IGSF21: variants seen among roughly 807,000 people sequenced by gnomAD.
IGSF21 encodes immunoglobin superfamily member 21, also known as immunoglobulin superfamily member 21.
IGSF21 carries 28 observed loss-of-function variants against 46.8 expected under a neutral mutation model. The observed-to-expected ratio is 0.60, with a 90% CI of 0.44 to 0.82. The LOEUF is 0.82. IGSF21 is among the 40% of genes least tolerant of loss of function. The pLI, the probability that IGSF21 is intolerant of heterozygous loss-of-function variation, is 0.00. For missense variants in IGSF21, 624 were observed against 665.5 expected (o/e 0.94, Z 0.69); for synonymous variants, 284 against 273.6 (o/e 1.04, Z -0.38).
rs16861869 is a variant in IGSF21, at chr1:18,378,208, C to T, written c.1334-48C>T. On this transcript the variant is annotated intron_variant, in intron 9 of 9. Transcript: ENST00000251296. The stretch of plus-strand genomic sequence containing the variant: ...ACCTGGAGGCTCTGCTGTTCTGGAA[C>T]GGGGTTGGGTCTGCAGGCTCTGACC... 12,481 of 1,497,338 alleles carry T rather than the reference C, an allele frequency of 8.3e-3. 579 individuals are homozygous for T. In the East Asian group the frequency reaches 0.14, roughly 17 times the overall value. The allele number at this position is 1,497,338 out of a possible 1,614,324, so 92.8% of individuals were successfully genotyped here.
intron 2 of IGSF21, among the ~76,000 whole-genome samples, chr1:18,289,034 G>A (rs1200401951): frequency 2.6e-5 from 4 of 152,174 alleles, no homozygotes; most frequent in Admixed American, 6.5e-5. Flanking sequence ...TTTATCTGGG[G>A]TGTGTGGGTA....
intron 1 of IGSF21, among the ~76,000 whole-genome samples, chr1:18,204,683 T>A (rs1218916406): frequency 6.6e-6 from 1 of 152,162 alleles, no homozygotes; most frequent in Non-Finnish European, 1.5e-5. Context: ...CCTTGGAGCA[T>A]GACAGCTGGC....
At chr1:18,374,811 G>A (rs1402575748) in intron 6 of IGSF21, among the ~76,000 whole-genome samples, 1 of 152,120 alleles carries the variant, frequency 6.6e-6, no homozygotes, top group African/African-American at 2.4e-5. Context: ...AGGAAAGGTG[G>A]GGGTAATCCC....
intron 1 of IGSF21, among the ~76,000 whole-genome samples, chr1:18,117,045 G>C (rs944907466): frequency 6.6e-6 from 1 of 152,208 alleles, no homozygotes; most frequent in Non-Finnish European, 1.5e-5. Flanking sequence ...CATGGGCTGA[G>C]GGGAATGGTT....
Position 18,161,574 on chromosome 1 carries a change from C to G in IGSF21, c.70+53376C>G, listed in dbSNP as rs145047730. 3.3e-5 allele frequency among the ~76,000 whole-genome samples: 5 copies of G among 152,274 alleles called. No individual in the cohort carries two copies. In the East Asian group the frequency reaches 9.7e-4, roughly 29 times the overall value. Reference sequence around the variant, plus strand: ...GCAAGCGCCCATTCCAAGTATCCCACCGGTGACAGGAGAACAAACAAGCCT... The same window carrying G: ...GCAAGCGCCCATTCCAAGTATCCCAGCGGTGACAGGAGAACAAACAAGCCT... On this transcript the variant is annotated intron_variant, in intron 1 of 9. Transcript: ENST00000251296.
intron 1 of IGSF21, among the ~76,000 whole-genome samples, chr1:18,207,078 T>A (rs2124487123): frequency 6.6e-6 from 1 of 152,288 alleles, no homozygotes; most frequent in East Asian, 1.9e-4. Context: ...CCATTTAAGT[T>A]GTTGCAGAAT....
At chr1:18,263,871 A>C (rs1454819460) in intron 2 of IGSF21, among the ~76,000 whole-genome samples, 2 of 144,790 alleles carry the variant, frequency 1.4e-5, no homozygotes, top group Non-Finnish European at 3.1e-5. Context: ...CAGTTAAACA[A>C]AGCCACCCAG....
intron 1 of IGSF21, among the ~76,000 whole-genome samples, chr1:18,184,473 A>G (rs957419668): frequency 2.0e-5 from 3 of 151,986 alleles, no homozygotes; most frequent in Admixed American, 2.0e-4. Flanking sequence ...ATCCCTCTGA[A>G]CCTTTAATCA....
At chr1:18,279,473 T>C (rs2085137234) in intron 2 of IGSF21, among the ~76,000 whole-genome samples, 1 of 152,092 alleles carries the variant, frequency 6.6e-6, no homozygotes, top group South Asian at 2.1e-4. Context: ...ACCCAGAATT[T>C]GCCTAGTGTT....
intron 2 of IGSF21, among the ~76,000 whole-genome samples, chr1:18,241,134 G>T (rs899101992): frequency 2.0e-5 from 3 of 152,200 alleles, no homozygotes; most frequent in African/African-American, 7.2e-5. Flanking sequence ...GTTGAGAGGA[G>T]GGGGAGGATG....
At chr1:18,155,510 C>A (rs1010329622) in intron 1 of IGSF21, among the ~76,000 whole-genome samples, 5 of 152,256 alleles carry the variant, frequency 3.3e-5, no homozygotes, top group Non-Finnish European at 5.9e-5. Flanking sequence ...AGGGGTCCCA[C>A]CCAGGCTGGC....
chr1:18,189,388 A>G (rs1411448227), intron 1 of IGSF21, among the ~76,000 whole-genome samples: 1 of 152,234 alleles, frequency 6.6e-6, no homozygotes, highest in African/African-American at 2.4e-5. Flanking sequence ...TTTTGGCACC[A>G]GGAACCAGTT....
At chr1:18,207,229 C>T (rs2084338081) in intron 1 of IGSF21, among the ~76,000 whole-genome samples, 2 of 152,178 alleles carry the variant, frequency 1.3e-5, no homozygotes, top group African/African-American at 4.8e-5. Context: ...TCTTTGGCCT[C>T]CTCTCCCATC....
chr1:18,216,503 T>C (rs2084449821), intron 1 of IGSF21, among the ~76,000 whole-genome samples: 1 of 152,040 alleles, frequency 6.6e-6, no homozygotes, highest in African/African-American at 2.4e-5. Flanking sequence ...GAGGGACAAG[T>C]TTGGGGGCCA....
In IGSF21 at chr1:18,365,381, C is replaced by T. The variant is rs146733691; in HGVS notation, c.699C>T (p.Asp233=). ...TGCAGAAGTCACTGTCCCTCCTGGA[C>T]GCCGAGAACCGGGGTGGGCGACCCT... is the stretch of plus-strand genomic sequence containing the variant. ...TKMQKSLSLL[D]AENRGGRPYT... Residue 233 remains aspartate, a synonymous_variant, in exon 6 of 10, where the codon GAC becomes GAT. Coordinates refer to ENST00000251296, the MANE Select transcript of IGSF21 (RefSeq NM_032880.5). The surrounding 1 kb of genome is among the most constrained non-coding windows in gnomAD (Gnocchi z 4.8). 132 of 1,613,950 alleles carry T rather than the reference C, an allele frequency of 8.2e-5. No individual in the cohort carries two copies. The highest frequency in any genetic ancestry group is 1.2e-4 in the African/African-American group (9 of 74,888).
Position 18,256,871 on chromosome 1 carries a change from C to T in IGSF21, c.183+28861C>T, listed in dbSNP as rs527371298. ...TACCAGGGACATGGAGACCAGGTCCCCTTTCCTAAAACCCTGGCCCAGTTG... is the reference window on the plus strand; with the variant it reads ...TACCAGGGACATGGAGACCAGGTCCTCTTTCCTAAAACCCTGGCCCAGTTG... On this transcript the variant is annotated intron_variant, in intron 2 of 9. Coordinates refer to ENST00000251296, the MANE Select transcript of IGSF21 (RefSeq NM_032880.5). Among the ~76,000 whole-genome samples, 22 of 152,280 alleles carry T rather than the reference C, an allele frequency of 1.4e-4. No individual in the cohort carries two copies. The South Asian group carries it at 4.6e-3, about 32-fold the overall frequency.
chr1:18,174,908 G>A (rs1183393727), intron 1 of IGSF21, among the ~76,000 whole-genome samples: 2 of 152,218 alleles, frequency 1.3e-5, no homozygotes, highest in African/African-American at 4.8e-5. Context: ...CCAAATGGTA[G>A]CAGTGAGCAC....
intron 1 of IGSF21, among the ~76,000 whole-genome samples, chr1:18,185,533 C>G (rs763861120): frequency 6.6e-6 from 1 of 152,166 alleles, no homozygotes; most frequent in Non-Finnish European, 1.5e-5. Context: ...GGTTGTGCAG[C>G]CTATAGACAG....
chr1:18,195,357 G>A (rs1028239723), intron 1 of IGSF21, among the ~76,000 whole-genome samples: 1 of 152,192 alleles, frequency 6.6e-6, no homozygotes, highest in Non-Finnish European at 1.5e-5. Context: ...GGGTGCCATC[G>A]ATGGATTATA....
Sources: gnomAD v4.1 joint callset for allele counts (sites outside exome capture counted in the v4.1 genomes callset) on GRCh38, gnomAD v4.1.1 for gene constraint, Gnocchi (gnomAD v3.1) non-coding constraint, MANE v1.5 for transcripts, NCBI Gene and HGNC (gene_info 2026-07-23, HGNC 2026-07-21) for gene names.